Variants in PDE4D observed in about 807,000 individuals in gnomAD.
PDE4D encodes the protein 3',5'-cyclic-AMP phosphodiesterase 4D.
In PDE4D, 24 loss-of-function variants were observed where a neutral mutation model predicts 87.4. That is an observed-to-expected ratio of 0.27 (90% CI 0.20 to 0.39). The LOEUF (loss-of-function observed/expected upper bound fraction) is 0.39, where lower values mean the gene tolerates loss of function less well. PDE4D is among the 10% of genes least tolerant of loss of function. The probability of loss-of-function intolerance (pLI) is 1.00; values close to 1 mark genes in which losing one functional copy is unlikely to be tolerated. For missense variants in PDE4D, 714 were observed against 1,041.0 expected (o/e 0.69, Z 4.32); for synonymous variants, 384 against 383.2 (o/e 1.00, Z -0.02).
intron 1 of PDE4D, chr5:60,430,229 T>C (rs1227158206): frequency 1.9e-6 from 1 of 519,344 alleles, no homozygotes; most frequent in Non-Finnish European, 3.9e-6. Context: ...ATCTCGTTGA[T>C]GGCGAATGAC....
intron 2 of PDE4D, among the ~76,000 whole-genome samples, chr5:60,157,416 G>A (rs1434242930): frequency 2.6e-5 from 4 of 152,144 alleles, no homozygotes; most frequent in African/African-American, 9.7e-5. Context: ...AGAGAGGGAA[G>A]ACAGTCTACA....
At chr5:59,395,431 G>A (rs62355535) in intron 1 of PDE4D, among the ~76,000 whole-genome samples, 63,585 of 151,806 alleles carry the variant, frequency 0.42, 13,572 homozygotes, top group East Asian at 0.48. Context: ...TCTGACCCCT[G>A]ACCCCCGAGC....
chr5:59,743,621 T>C (rs1157307175), intron 1 of PDE4D, among the ~76,000 whole-genome samples: 2 of 152,010 alleles, frequency 1.3e-5, no homozygotes, highest in African/African-American at 4.8e-5. Context: ...GAAAACAGTA[T>C]GAAAAAATAT....
At chr5:59,139,650 TTTTA>T (rs1208355189) in intron 5 of PDE4D, among the ~76,000 whole-genome samples, 18 of 151,950 alleles carry the variant, frequency 1.2e-4, no homozygotes, top group African/African-American at 3.9e-4. Flanking sequence ...TTTTTTTTAT[TTTTA>T]TTTTTGGTAG....
intron 2 of PDE4D, among the ~76,000 whole-genome samples, chr5:60,106,042 A>C (rs1180490119): frequency 2.0e-5 from 3 of 152,192 alleles, no homozygotes; most frequent in Admixed American, 1.3e-4. Flanking sequence ...TAAATGCTCC[A>C]ATTAAAAGAC....
chr5:59,603,437 A>G (rs891918304), intron 1 of PDE4D, among the ~76,000 whole-genome samples: 1 of 152,020 alleles, frequency 6.6e-6, no homozygotes, highest in Non-Finnish European at 1.5e-5. Context: ...TACTAATACT[A>G]CAATGAGCTA....
intron 1 of PDE4D, among the ~76,000 whole-genome samples, chr5:59,410,713 G>A (rs258123): frequency 6.6e-6 from 1 of 151,960 alleles, no homozygotes; most frequent in Non-Finnish European, 1.5e-5. Flanking sequence ...ATTGTTTATA[G>A]GTACTGCATG....
At chr5:60,367,613 C>T (rs1427419288) in intron 1 of PDE4D, among the ~76,000 whole-genome samples, 1 of 152,102 alleles carries the variant, frequency 6.6e-6, no homozygotes, top group African/African-American at 2.4e-5. Context: ...TTTCTCCTGT[C>T]CTATCTCACA....
intron 2 of PDE4D, among the ~76,000 whole-genome samples, chr5:60,048,600 GA>G (rs1483284327): frequency 4.6e-5 from 7 of 151,568 alleles, no homozygotes; most frequent in African/African-American, 9.7e-5. Flanking sequence ...GTCTGTAAAG[GA>G]TTTTATTTCT....
intron 1 of PDE4D, among the ~76,000 whole-genome samples, chr5:59,231,023 TATA>T (rs1755065019): frequency 6.6e-6 from 1 of 152,244 alleles, no homozygotes; most frequent in Non-Finnish European, 1.5e-5. Flanking sequence ...TGTCTCATTG[TATA>T]ATAAGTACAC....
intron 1 of PDE4D, among the ~76,000 whole-genome samples, chr5:59,252,527 G>GT (rs142150968): frequency 0.053 from 7,993 of 150,716 alleles, 272 homozygotes; most frequent in East Asian, 0.1. Context: ...TATCATCTGG[G>GT]TTTTTTTTTT....
chr5:60,350,223 G>A (rs1583493597), intron 1 of PDE4D, among the ~76,000 whole-genome samples: 2 of 152,260 alleles, frequency 1.3e-5, no homozygotes, highest in Admixed American at 6.5e-5. Flanking sequence ...GCTCAGGTTC[G>A]AGCCTATCAG....
At chr5:59,512,501 T>C (rs1810451588) in intron 1 of PDE4D, among the ~76,000 whole-genome samples, 1 of 152,150 alleles carries the variant, frequency 6.6e-6, no homozygotes, top group African/African-American at 2.4e-5. Flanking sequence ...AAAGAGAAGA[T>C]GAATAGATGA....
intron 3 of PDE4D, among the ~76,000 whole-genome samples, chr5:59,905,443 G>C (rs1752710696): frequency 6.6e-6 from 1 of 152,196 alleles, no homozygotes; most frequent in African/African-American, 2.4e-5. Context: ...AACCAAATCA[G>C]TAGTCTCATC....
chr5:59,629,780 G>A (rs1561360825), intron 1 of PDE4D, among the ~76,000 whole-genome samples: 5 of 152,298 alleles, frequency 3.3e-5, no homozygotes, highest in African/African-American at 7.2e-5. Context: ...AGGCATTGGT[G>A]TGTCCATTTA....
chr5:59,200,656 CATATGTGTATGTATAGAT>C lies in PDE4D; in HGVS notation c.648-7138_648-7121del, dbSNP rs1561692118. 8.3e-3 allele frequency among the ~76,000 whole-genome samples: 301 copies of C among 36,068 alleles called. 13 individuals are homozygous for C. The highest frequency in any genetic ancestry group is 0.011 in the Non-Finnish European group (197 of 17,818). The allele number at this position is 36,068 out of a possible 152,430, so 23.7% of individuals were successfully genotyped here. On this transcript the variant is annotated intron_variant, in intron 2 of 14. Coordinates refer to ENST00000340635, the MANE Select transcript of PDE4D (RefSeq NM_001104631.2). Reference sequence around the variant, plus strand: ...GTATGTACAGATACACGTATACATACATATGTGTATGTATAGATACACGTATACATACATATGTGTATG... The same window carrying C: ...GTATGTACAGATACACGTATACATACACACGTATACATACATATGTGTATG...
intron 2 of PDE4D, among the ~76,000 whole-genome samples, chr5:60,173,761 C>A (rs147896337): frequency 6.6e-6 from 1 of 152,196 alleles, no homozygotes; most frequent in African/African-American, 2.4e-5. Context: ...TACTACTTAT[C>A]ACTACTGTGG....
chr5:60,406,680 T>G (rs1307240428), intron 1 of PDE4D, among the ~76,000 whole-genome samples: 1 of 152,170 alleles, frequency 6.6e-6, no homozygotes, highest in Admixed American at 6.5e-5. Context: ...ATTACAATTG[T>G]GTTTCTTTAT....
At chr5:58,987,256 A>G (rs1746671925) in intron 11 of PDE4D, among the ~76,000 whole-genome samples, 1 of 152,290 alleles carries the variant, frequency 6.6e-6, no homozygotes, top group African/African-American at 2.4e-5. Flanking sequence ...TTCTAAAAGT[A>G]CCTCATTATA....
Sources: allele counts gnomAD v4.1 joint callset (sites outside exome capture counted in the v4.1 genomes callset), GRCh38; gene constraint gnomAD v4.1.1; transcripts MANE v1.5; gene names NCBI Gene and HGNC (gene_info 2026-07-23, HGNC 2026-07-21).